Variants in RAD21 observed in about 807,000 individuals in gnomAD.
RAD21 encodes double-strand-break repair protein rad21 homolog.
In RAD21, 18 loss-of-function variants were observed where a neutral mutation model predicts 71.5. The observed-to-expected ratio is 0.25, with a 90% CI of 0.17 to 0.37. The LOEUF (loss-of-function observed/expected upper bound fraction) is 0.37. Ranked by LOEUF, RAD21 falls within the 10% of genes least tolerant of loss-of-function variation. The pLI is 1.00. For missense variants in RAD21, 493 were observed against 769.1 expected, an observed-to-expected ratio of 0.64 and a Z score of 4.25; for synonymous variants, 248 against 254.0, an observed-to-expected ratio of 0.98 and a Z score of 0.22.
chr8:116,850,129 A>G (rs1031680313), intron 12 of RAD21, among the ~76,000 whole-genome samples: 2 of 152,196 alleles, frequency 1.3e-5, no homozygotes, highest in African/African-American at 4.8e-5. Context: ...GTAAAAAGAA[A>G]AAGTCATTTA....
intron 5 of RAD21, 43 bp from the exon 6 acceptor site, chr8:116,857,516 A>C: frequency 1.3e-6 from 2 of 1,506,848 alleles, no homozygotes; most frequent in Admixed American, 3.6e-5. Flanking sequence ...AAGATTAGAA[A>C]TAGCACTGTG....
intron 1 of RAD21, among the ~76,000 whole-genome samples, chr8:116,873,873 T>C (rs1181196989): frequency 6.6e-6 from 1 of 152,172 alleles, no homozygotes; most frequent in Admixed American, 6.5e-5. Context: ...CCCGATATCC[T>C]TAATCACTTT....
chr8:116,873,925 A>C (rs1812901633), intron 1 of RAD21, among the ~76,000 whole-genome samples: 1 of 152,212 alleles, frequency 6.6e-6, no homozygotes, highest in Admixed American at 6.5e-5. Flanking sequence ...CAATTATGCA[A>C]ATATCCTTGG....
chr8:116,854,594 T>G (rs574797296), intron 8 of RAD21, 126 bp from the exon 9 acceptor site: 1 of 723,230 alleles, frequency 1.4e-6, no homozygotes, highest in East Asian at 2.6e-5. Context: ...GAAGTTAAAC[T>G]TCATGAGGAT....
intron 13 of RAD21, 128 bp from the exon 14 acceptor site, chr8:116,847,819 A>C: frequency 2.2e-6 from 2 of 907,848 alleles, no homozygotes; most frequent in Admixed American, 5.6e-5. Flanking sequence ...CCAGTGTTAG[A>C]GATGGAGCCT....
intron 1 of RAD21, among the ~76,000 whole-genome samples, chr8:116,873,858 C>T (rs762665394): frequency 1.4e-4 from 21 of 152,182 alleles, no homozygotes; most frequent in African/African-American, 5.1e-4. Flanking sequence ...AGCGTCTCTA[C>T]AACACCCGAT....
At chr8:116,862,193 T>G (rs981832982) in intron 3 of RAD21, among the ~76,000 whole-genome samples, 1 of 152,100 alleles carries the variant, frequency 6.6e-6, no homozygotes, top group African/African-American at 2.4e-5. Flanking sequence ...AACAAATAAC[T>G]AGTAATAGTT....
intron 1 of RAD21, among the ~76,000 whole-genome samples, chr8:116,873,293 T>C (rs1268839128): frequency 6.6e-6 from 1 of 152,256 alleles, no homozygotes; most frequent in Non-Finnish European, 1.5e-5. Flanking sequence ...TGTCTATTAG[T>C]TATGCACTGC....
intron 4 of RAD21, among the ~76,000 whole-genome samples, chr8:116,860,831 T>C (rs1233385024): frequency 6.6e-6 from 1 of 152,164 alleles, no homozygotes; most frequent in East Asian, 1.9e-4. Flanking sequence ...TTAAAAATTC[T>C]TTACCTCTAA....
chr8:116,870,558 A>T (rs1467084181), intron 1 of RAD21, among the ~76,000 whole-genome samples: 1 of 152,236 alleles, frequency 6.6e-6, no homozygotes, highest in Non-Finnish European at 1.5e-5. Context: ...GCCTACTTCA[A>T]GCCTTAAAAT....
intron 6 of RAD21, 85 bp from the exon 7 acceptor site, chr8:116,856,856 T>C (rs1417490413): frequency 2.2e-5 from 22 of 1,010,914 alleles, no homozygotes; most frequent in Admixed American, 1.2e-4. Flanking sequence ...CAAAATTATG[T>C]TAAAAGGGAT....
rs369280802 is a variant in RAD21, at chr8:116,848,938, G to A, written c.1704+8C>T. The A allele has an allele frequency of 1.2e-5, 19 of 1,598,532 alleles. No homozygotes were observed. The highest frequency in any genetic ancestry group is 9.1e-5 in the East Asian group (4 of 44,006). ...AAGCATTTTCCTCTGAGACAACAGC[G>A]GCAATACCTGAAGACCATGAAGCAT... On this transcript the variant is annotated splice_region_variant and intron_variant, in intron 13 of 13. Coordinates refer to ENST00000297338, the MANE Select transcript of RAD21 (RefSeq NM_006265.3).
chr8:116,857,369 C>A lies in RAD21; in HGVS notation c.586G>T (p.Glu196Ter). 1 of 1,613,044 alleles carries A rather than the reference C, an allele frequency of 6.2e-7. No homozygotes were observed. Among genetic ancestry groups the A allele is most frequent in the South Asian group, 1.1e-5 (1 of 91,042 alleles). Residue 196 changes from glutamate to a stop codon, truncating the protein, a stop_gained, in exon 6 of 14, where the codon GAA (glutamate) becomes TAA (stop). Coordinates refer to ENST00000297338, the MANE Select transcript of RAD21 (RefSeq NM_006265.3). LOFTEE classifies it high-confidence loss of function. Reference sequence around the variant, plus strand: ...TCATTCAGATTGCTGGTGCTCTGTTCAGACTCTAATAGGAGGTTAGAAGTA... The same window carrying A: ...TCATTCAGATTGCTGGTGCTCTGTTAAGACTCTAATAGGAGGTTAGAAGTA... Reference protein sequence around the residue: ...TTTSNLLLESEQSTSNLNEKI... With the variant: ...TTTSNLLLES
rs184838141 is a variant in RAD21 at position 116,851,758 on chromosome 8, C to G, written c.1470+190G>C. On this transcript the variant is annotated intron_variant, in intron 11 of 13. Coordinates refer to ENST00000297338, the MANE Select transcript of RAD21 (RefSeq NM_006265.3). ...ATTCAAAAAGAGTCAGGAAAGACTG[C>G]ACCGACTCCCAGAACATATTCTCTC... 5.7e-5 allele frequency: 28 copies of G among 490,358 alleles called. No individual in the cohort carries two copies. In the East Asian group the frequency reaches 8.6e-4, roughly 15 times the overall value. The allele number at this position is 490,358 out of a possible 1,614,324, so 30.4% of individuals were successfully genotyped here.
At chr8:116,852,512 G>A (rs1377151370) in intron 10 of RAD21, 37 bp downstream of exon 10, 2 of 1,551,808 alleles carry the variant, frequency 1.3e-6, no homozygotes, top group Admixed American at 1.9e-5. Flanking sequence ...AAATACTCAT[G>A]TGAACTTCAT....
chr8:116,858,578 G>A (rs1812520354), intron 4 of RAD21, 120 bp from the exon 5 acceptor site: 6 of 647,704 alleles, frequency 9.3e-6, no homozygotes. Context: ...AGTTTTAGAA[G>A]CCTTAATATT....
chr8:116,856,885 C>T, intron 6 of RAD21, 114 bp from the exon 7 acceptor site: 4 of 697,336 alleles, frequency 5.7e-6, no homozygotes, highest in Non-Finnish European at 8.5e-6. Flanking sequence ...AACGTATACT[C>T]AACTTTTATC....
intron 13 of RAD21, among the ~76,000 whole-genome samples, chr8:116,848,331 A>G (rs1319512856): frequency 6.6e-6 from 1 of 152,242 alleles, no homozygotes; most frequent in Non-Finnish European, 1.5e-5. Flanking sequence ...AGAAACCAGC[A>G]AAATTGTTCT....
Position 116,858,369 on chromosome 8 carries a change from A to G in RAD21, c.464T>C (p.Leu155Ser). Residue 155 changes from leucine (L) to serine (S), a missense_variant, in exon 5 of 14, where the codon TTA becomes TCA. Coordinates refer to ENST00000297338, the MANE Select transcript of RAD21 (RefSeq NM_006265.3). ...MREEVGNISI[L>S]QENDFGDFGM... ...TCTTTTACCAAAATCATTTTCTTGT[A>G]AAATACTGATGTTCCCAACTTCTTC... 1.2e-6 allele frequency: 2 copies of G among 1,608,876 alleles called. No individual in the cohort carries two copies. The highest frequency in any genetic ancestry group is 1.7e-6 in the Non-Finnish European group (2 of 1,175,928).
Sources: allele counts gnomAD v4.1 joint callset (sites outside exome capture counted in the v4.1 genomes callset), GRCh38; gene constraint gnomAD v4.1.1; transcripts MANE v1.5; gene names NCBI Gene and HGNC (gene_info 2026-07-23, HGNC 2026-07-21).